Variants in MARCHF1 observed in about 807,000 individuals in gnomAD.
MARCHF1 encodes the protein E3 ubiquitin-protein ligase MARCHF1.
MARCHF1 carries 40 observed loss-of-function variants against 54.2 expected under a neutral mutation model. The ratio of observed to expected loss-of-function variants is 0.74; its 90% CI spans 0.57 to 0.96. MARCHF1 has a LOEUF of 0.96. MARCHF1 is among the 40% of genes least tolerant of loss of function. The pLI is 0.00. For synonymous variants in MARCHF1, 236 were observed against 236.3 expected (o/e 1.00, Z 0.01); for missense variants, 586 against 656.5 (o/e 0.89, Z 1.17).
chr4:164,001,870 C>T (rs1178337747), intron 2 of MARCHF1, among the ~76,000 whole-genome samples: 2 of 151,688 alleles, frequency 1.3e-5, no homozygotes, highest in Non-Finnish European at 2.9e-5. Context: ...AAGGGAAACT[C>T]CACAAATAAG....
intron 3 of MARCHF1, among the ~76,000 whole-genome samples, chr4:163,895,446 T>G (rs1006427326): frequency 1.3e-5 from 2 of 152,150 alleles, no homozygotes; most frequent in Non-Finnish European, 2.9e-5. Flanking sequence ...ATATTTGTTA[T>G]GGGAAGGTAA....
chr4:164,289,167 T>C (rs1734224807), intron 1 of MARCHF1, among the ~76,000 whole-genome samples: 1 of 152,024 alleles, frequency 6.6e-6, no homozygotes, highest in African/African-American at 2.4e-5. Flanking sequence ...GGTGTAGAAA[T>C]GTTCATTATA....
chr4:163,841,703 G>T (rs1388795920), intron 4 of MARCHF1, among the ~76,000 whole-genome samples: 1 of 152,112 alleles, frequency 6.6e-6, no homozygotes, highest in East Asian at 1.9e-4. Context: ...ACCAGTTCTT[G>T]TTTGCAGTCT....
intron 1 of MARCHF1, among the ~76,000 whole-genome samples, chr4:164,223,249 AATAATGAAGTTTTAGAAAC>A: frequency 6.6e-6 from 1 of 152,194 alleles, no homozygotes; most frequent in Non-Finnish European, 1.5e-5. Flanking sequence ...GAGTTGAACC[AATAATGAAGTTTTAGAAAC>A]TTAAACTGAC....
rs887446190 is a variant in MARCHF1 at position 163,612,473 on chromosome 4, G to T, written c.808C>A (p.His270Asn). The T allele has an allele frequency of 2.4e-5, 37 of 1,534,988 alleles. No individual in the cohort carries two copies. The highest frequency in any genetic ancestry group is 3.1e-5 in the Non-Finnish European group (36 of 1,146,400). Residue 270 changes from histidine (H) to asparagine (N), a missense_variant, in exon 7 of 10, where the codon CAC (histidine) becomes AAC (asparagine). By Grantham distance (68) the His-to-Asn change is moderately conservative. Transcript: ENST00000514618. Reference sequence around the variant, plus strand: ...CTTTGCAAGAGCTGAGGATCTCTGTGGTGATATCTGCCTTTGCTCTTCTCA... The same window carrying T: ...CTTTGCAAGAGCTGAGGATCTCTGTTGTGATATCTGCCTTTGCTCTTCTCA... ...NHEKSKGRYHHRDPQLLQSLR... is the reference protein window; with the variant it reads ...NHEKSKGRYHNRDPQLLQSLR...
rs562286501 is a variant in MARCHF1, at chr4:164,244,849, A to G, written c.-322-133187T>C. Among the ~76,000 whole-genome samples, 196 of 152,040 alleles carry G rather than the reference A, an allele frequency of 1.3e-3. 2 individuals are homozygous for G. Among genetic ancestry groups the G allele is most frequent in the African/African-American group, 4.6e-3 (190 of 41,558 alleles). On this transcript the variant is annotated intron_variant, in intron 1 of 9. Coordinates refer to ENST00000514618, the MANE Select transcript of MARCHF1 (RefSeq NM_001394959.1). Reference sequence around the variant, plus strand: ...AAACACCTCTACGCAAATAAACTAGAAAATCTAGAAGAAATGGATAAATTC... The same window carrying G: ...AAACACCTCTACGCAAATAAACTAGGAAATCTAGAAGAAATGGATAAATTC...
At chr4:163,886,915 C>T (rs1206470261) in intron 3 of MARCHF1, among the ~76,000 whole-genome samples, 1 of 152,084 alleles carries the variant, frequency 6.6e-6, no homozygotes, top group African/African-American at 2.4e-5. Context: ...CTCTTATATT[C>T]CTACCCAAAT....
intron 4 of MARCHF1, among the ~76,000 whole-genome samples, chr4:163,775,836 C>T (rs1747290196): frequency 6.6e-6 from 1 of 151,926 alleles, no homozygotes; most frequent in South Asian, 2.1e-4. Context: ...TTAGAGCAGC[C>T]AGTGTTGGAT....
intron 2 of MARCHF1, among the ~76,000 whole-genome samples, chr4:164,011,122 G>A (rs1753410863): frequency 1.3e-5 from 2 of 152,078 alleles, no homozygotes; most frequent in Non-Finnish European, 2.9e-5. Context: ...AATAAAAATG[G>A]ATGGAAGATT....
At chr4:163,591,775 G>A (rs944282090) in intron 7 of MARCHF1, among the ~76,000 whole-genome samples, 3 of 152,164 alleles carry the variant, frequency 2.0e-5, no homozygotes, top group Non-Finnish European at 4.4e-5. Flanking sequence ...CAGTGAAAGT[G>A]AGAAATTGTG....
At chr4:163,590,945 A>G (rs1740569633) in intron 7 of MARCHF1, among the ~76,000 whole-genome samples, 1 of 151,786 alleles carries the variant, frequency 6.6e-6, no homozygotes. Flanking sequence ...AAATTACTTA[A>G]TCTCTGTGTT....
At chr4:163,540,197 G>A (rs1257667703) in intron 9 of MARCHF1, among the ~76,000 whole-genome samples, 1 of 152,130 alleles carries the variant, frequency 6.6e-6, no homozygotes, top group African/African-American at 2.4e-5. Context: ...CATGCAACTG[G>A]AGACACCTAG....
chr4:164,165,537 G>T (rs571381710), intron 1 of MARCHF1, among the ~76,000 whole-genome samples: 1 of 152,062 alleles, frequency 6.6e-6, no homozygotes, highest in Non-Finnish European at 1.5e-5. Context: ...AATTTCTGTT[G>T]TTTAAGCCGC....
chr4:163,586,294 A>T (rs995540222), intron 7 of MARCHF1, among the ~76,000 whole-genome samples: 1 of 152,220 alleles, frequency 6.6e-6, no homozygotes, highest in African/African-American at 2.4e-5. Flanking sequence ...TATATGAAAC[A>T]TAAATGAATT....
intron 1 of MARCHF1, chr4:164,190,088 A>G (rs1731084580): frequency 1.4e-6 from 2 of 1,425,058 alleles, no homozygotes; most frequent in South Asian, 1.2e-5. Context: ...GCTATTCTCT[A>G]AAGAATCAGA....
intron 3 of MARCHF1, among the ~76,000 whole-genome samples, chr4:163,964,631 C>G (rs538301887): frequency 6.6e-6 from 1 of 152,056 alleles, no homozygotes; most frequent in East Asian, 1.9e-4. Context: ...TAAATCAGGT[C>G]AAATAAATTT....
chr4:163,733,353 T>C (rs1224474132), intron 4 of MARCHF1, among the ~76,000 whole-genome samples: 1 of 136,346 alleles, frequency 7.3e-6, no homozygotes, highest in Non-Finnish European at 1.5e-5. Context: ...TAATGCGAGA[T>C]GGAAATCTGG....
At chr4:164,209,948 A>G (rs759367232) in intron 1 of MARCHF1, among the ~76,000 whole-genome samples, 2 of 152,188 alleles carry the variant, frequency 1.3e-5, no homozygotes, top group African/African-American at 2.4e-5. Context: ...ATAAATAATT[A>G]GGCCTTATTG....
intron 3 of MARCHF1, among the ~76,000 whole-genome samples, chr4:163,929,321 CA>C (rs1448004516): frequency 6.6e-6 from 1 of 151,946 alleles, no homozygotes; most frequent in Non-Finnish European, 1.5e-5. Context: ...ATGGCTGCCT[CA>C]TAGAATTATT....
Sources: allele counts gnomAD v4.1 joint callset (sites outside exome capture counted in the v4.1 genomes callset), GRCh38; gene constraint gnomAD v4.1.1; transcripts MANE v1.5; gene names NCBI Gene and HGNC (gene_info 2026-07-23, HGNC 2026-07-21).